DOCK3: variants seen among roughly 807,000 people sequenced by gnomAD.
DOCK3 encodes dedicator of cytokinesis 3.
In DOCK3, 60 loss-of-function variants were observed where a neutral mutation model predicts 265.6. The ratio of observed to expected loss-of-function variants is 0.23; its 90% CI spans 0.18 to 0.28. The LOEUF is 0.28. Ranked by LOEUF, DOCK3 falls within the 10% of genes least tolerant of loss-of-function variation. The pLI is 1.00. For synonymous variants in DOCK3, 881 were observed against 938.0 expected, an observed-to-expected ratio of 0.94 and a Z score of 1.11; for missense variants, 1,981 against 2,594.3, an observed-to-expected ratio of 0.76 and a Z score of 5.14.
chr3:51,255,087 G>T (rs1156926392), intron 22 of DOCK3, among the ~76,000 whole-genome samples: 2 of 152,178 alleles, frequency 1.3e-5, no homozygotes, highest in Non-Finnish European at 2.9e-5. Context: ...CTCAGCATTT[G>T]CTTGTCTGTA....
intron 25 of DOCK3, among the ~76,000 whole-genome samples, chr3:51,277,388 A>G (rs980761481): frequency 6.6e-6 from 1 of 152,192 alleles, no homozygotes; most frequent in Non-Finnish European, 1.5e-5. Context: ...GAGTTAGGGT[A>G]AGGCCCCAGC....
intron 1 of DOCK3, among the ~76,000 whole-genome samples, chr3:50,731,131 CAAAAA>C (rs58878539): frequency 1.0e-5 from 1 of 99,588 alleles, no homozygotes; most frequent in African/African-American, 3.3e-5. Context: ...GACTCTGTCT[CAAAAA>C]AAAAAAAAAA....
chr3:50,924,424 A>C (rs1313046747), intron 4 of DOCK3, among the ~76,000 whole-genome samples: 1 of 152,206 alleles, frequency 6.6e-6, no homozygotes, highest in Non-Finnish European at 1.5e-5. Flanking sequence ...AAGATCAGTT[A>C]ATCTGTGAGT....
intron 14 of DOCK3, among the ~76,000 whole-genome samples, chr3:51,215,422 C>T (rs941139975): frequency 3.3e-5 from 5 of 152,320 alleles, no homozygotes; most frequent in South Asian, 2.1e-4. Flanking sequence ...TGAGCCACTG[C>T]GCCTGGCCTC....
intron 4 of DOCK3, among the ~76,000 whole-genome samples, chr3:50,920,300 G>C (rs1303344514): frequency 6.6e-6 from 1 of 152,062 alleles, no homozygotes; most frequent in African/African-American, 2.4e-5. Context: ...TTTCTGTTGA[G>C]TGGAATAGTT....
intron 1 of DOCK3, among the ~76,000 whole-genome samples, chr3:50,705,267 C>T (rs911384093): frequency 1.3e-5 from 2 of 152,080 alleles, no homozygotes; most frequent in African/African-American, 2.4e-5. Context: ...ACCCAAATCT[C>T]ATCTTGAACT....
At chr3:50,998,581 C>T (rs1230146681) in intron 5 of DOCK3, among the ~76,000 whole-genome samples, 1 of 152,118 alleles carries the variant, frequency 6.6e-6, no homozygotes, top group Admixed American at 6.6e-5. Context: ...ATACTTTCTT[C>T]CTAGAAACTT....
At chr3:51,379,392 C>T (rs941779351) in intron 51 of DOCK3, 20 of 985,440 alleles carry the variant, frequency 2.0e-5, no homozygotes, top group Non-Finnish European at 2.4e-5. Context: ...CTGTACTTCT[C>T]CCAGAGGGTG....
intron 5 of DOCK3, among the ~76,000 whole-genome samples, chr3:50,989,294 A>T (rs1211059382): frequency 2.0e-5 from 3 of 152,170 alleles, no homozygotes. Context: ...TGCTGCCTCC[A>T]AGTTGGAGGA....
intron 10 of DOCK3, among the ~76,000 whole-genome samples, chr3:51,153,904 A>G (rs1388005498): frequency 6.6e-6 from 1 of 152,198 alleles, no homozygotes; most frequent in East Asian, 1.9e-4. Context: ...CTGTGTCACA[A>G]TTTTCAACCA....
Position 50,847,505 on chromosome 3 carries a change from G to A in DOCK3, c.162+5790G>A, listed in dbSNP as rs74782032. 8.7e-3 allele frequency among the ~76,000 whole-genome samples: 1,329 copies of A among 152,278 alleles called. 26 individuals are homozygous for A. The highest frequency in any genetic ancestry group is 0.028 in the African/African-American group (1,183 of 41,552). ...TATTCTGTACATGTCTGTTAGGTCT[G>A]ACTAGTCAAGTGTTGAGTTTAAATC... On this transcript the variant is annotated intron_variant, in intron 3 of 52. Coordinates refer to ENST00000266037, the MANE Select transcript of DOCK3 (RefSeq NM_004947.5).
intron 5 of DOCK3, among the ~76,000 whole-genome samples, chr3:51,012,863 T>A (rs2079007386): frequency 6.6e-6 from 1 of 152,200 alleles, no homozygotes; most frequent in East Asian, 1.9e-4. Flanking sequence ...TCTTTTTTTC[T>A]CTAAACCTCT....
chr3:50,829,066 GATTTATTT>G (rs769606246), intron 2 of DOCK3, among the ~76,000 whole-genome samples: 2 of 151,788 alleles, frequency 1.3e-5, no homozygotes, highest in African/African-American at 4.8e-5. Context: ...TTCTATCTGG[GATTTATTT>G]ATTTATTTAT....
chr3:50,935,438 C>T (rs145000285), intron 5 of DOCK3, among the ~76,000 whole-genome samples: 88 of 152,308 alleles, frequency 5.8e-4, no homozygotes, highest in African/African-American at 2.0e-3. Context: ...ATTAAACTTT[C>T]ACCCCCTACC....
chr3:51,016,559 TATATTATATATATATTTATATATATC>T (rs1559944206), intron 5 of DOCK3, among the ~76,000 whole-genome samples: 1 of 88,698 alleles, frequency 1.1e-5, no homozygotes, highest in Non-Finnish European at 2.0e-5. Context: ...ATATATATCA[TATATTATATATATATTTATATATATC>T]ATATATTATA....
chr3:51,179,419 G>T (rs2087151290), intron 12 of DOCK3, among the ~76,000 whole-genome samples: 1 of 152,054 alleles, frequency 6.6e-6, no homozygotes, highest in Admixed American at 6.6e-5. Context: ...ATTGCCATTT[G>T]CCCTCATTCT....
intron 9 of DOCK3, among the ~76,000 whole-genome samples, chr3:51,118,956 G>T (rs938151990): frequency 1.3e-5 from 2 of 151,998 alleles, no homozygotes; most frequent in Non-Finnish European, 2.9e-5. Flanking sequence ...TTTAATTGGG[G>T]CATTTAGCCC....
intron 5 of DOCK3, among the ~76,000 whole-genome samples, chr3:50,991,086 C>G (rs2078086839): frequency 6.6e-6 from 1 of 152,156 alleles, no homozygotes; most frequent in South Asian, 2.1e-4. Context: ...ACCAGACCTG[C>G]CTTACAAGAG....
intron 27 of DOCK3, among the ~76,000 whole-genome samples, chr3:51,282,129 A>C (rs2081158127): frequency 6.6e-6 from 1 of 152,146 alleles, no homozygotes; most frequent in Non-Finnish European, 1.5e-5. Context: ...AGAACTTCCC[A>C]AAAGAGTCAA....
Sources: gnomAD v4.1 joint callset for allele counts (sites outside exome capture counted in the v4.1 genomes callset) on GRCh38, gnomAD v4.1.1 for gene constraint, MANE v1.5 for transcripts, NCBI Gene and HGNC (gene_info 2026-07-23, HGNC 2026-07-21) for gene names.